PPM1F: variants seen among roughly 807,000 people sequenced by gnomAD.
The protein encoded by PPM1F is protein phosphatase, Mg2+/Mn2+ dependent 1F, also known as protein phosphatase 1F.
In PPM1F, 17 loss-of-function variants were observed where a neutral mutation model predicts 35.5. That is an observed-to-expected ratio of 0.48 (90% CI 0.33 to 0.72). The LOEUF (loss-of-function observed/expected upper bound fraction) is 0.72, where lower values mean the gene tolerates loss of function less well. PPM1F is among the 30% of genes least tolerant of loss of function. The pLI is 0.02. For synonymous variants in PPM1F, 241 were observed against 255.5 expected, an observed-to-expected ratio of 0.94 and a Z score of 0.54; for missense variants, 521 against 613.0, an observed-to-expected ratio of 0.85 and a Z score of 1.59.
chr22:21,946,208 G>A (rs1230627110), intron 1 of PPM1F, 100 bp from the exon 2 acceptor site: 2 of 548,130 alleles, frequency 3.6e-6, no homozygotes, highest in Non-Finnish European at 6.2e-6. Flanking sequence ...TGGCCTCATG[G>A]TTCAGGGCCA....
At chr22:21,948,273 C>G (rs1489196535) in intron 1 of PPM1F, 3 of 147,354 alleles carry the variant, frequency 2.0e-5, no homozygotes, top group African/African-American at 7.5e-5. Context: ...GCCAGGAGTT[C>G]AAGACCAGCC....
At chr22:21,933,845 C>T (rs1225641706) in intron 4 of PPM1F, among the ~76,000 whole-genome samples, 179 bp downstream of exon 4, 2 of 152,200 alleles carry the variant, frequency 1.3e-5, no homozygotes, top group South Asian at 2.1e-4. Context: ...GCATCCAGGC[C>T]TCCCTCATAA....
rs138794261 is a variant in PPM1F, at chr22:21,924,714, C to T, written c.985+855G>A. Reference sequence around the variant, plus strand: ...CCTCCCAAGTAACTGAGATTACAGGCGCGTGCCACCACACCTGGCTAACTT... The same window carrying T: ...CCTCCCAAGTAACTGAGATTACAGGTGCGTGCCACCACACCTGGCTAACTT... On this transcript the variant is annotated intron_variant, in intron 7 of 7. Transcript: ENST00000263212. 3.2e-3 allele frequency among the ~76,000 whole-genome samples: 484 copies of T among 150,294 alleles called. 2 individuals are homozygous for T. Among genetic ancestry groups the T allele is most frequent in the Non-Finnish European group, 2.9e-3 (194 of 67,758 alleles).
At chr22:21,938,625 AC>A in intron 3 of PPM1F, 1 of 1,020,834 alleles carries the variant, frequency 9.8e-7, no homozygotes, top group Non-Finnish European at 1.2e-6. Flanking sequence ...GAAATGGCCG[AC>A]AGGAAATGGC....
chr22:21,924,714 C>A (rs138794261), intron 7 of PPM1F, among the ~76,000 whole-genome samples: 3 of 150,172 alleles, frequency 2.0e-5, no homozygotes, highest in Non-Finnish European at 3.0e-5. Flanking sequence ...AGATTACAGG[C>A]GCGTGCCACC....
intron 6 of PPM1F, among the ~76,000 whole-genome samples, chr22:21,930,828 A>G (rs923754973): frequency 9.9e-5 from 15 of 151,984 alleles, no homozygotes; most frequent in African/African-American, 3.6e-4. Flanking sequence ...TTCCTCACCC[A>G]CAGCCTGTGG....
chr22:21,932,081 G>A (rs2145796405), intron 5 of PPM1F, among the ~76,000 whole-genome samples: 1 of 152,154 alleles, frequency 6.6e-6, no homozygotes, highest in Middle Eastern at 3.4e-3. Flanking sequence ...GCCTCCCAAA[G>A]TGCTGGGATT....
chr22:21,923,173 CCCTTCTCCCTGGTTCCCGCCCT>C lies in PPM1F; in HGVS notation c.1262_1283del (p.Glu421GlyfsTer99), dbSNP rs1231440363. ...GCCTCCTCCCTTCTGCCTGGGGGTCCCCTTCTCCCTGGTTCCCGCCCTCCAGCAGCTCTTGGGGGTCCCTGAG... is the reference window on the plus strand; with the variant it reads ...GCCTCCTCCCTTCTGCCTGGGGGTCCCCAGCAGCTCTTGGGGGTCCCTGAG... On this transcript the variant is annotated frameshift_variant, in exon 8 of 8. Coordinates refer to ENST00000263212, the MANE Select transcript of PPM1F (RefSeq NM_014634.4). LOFTEE classifies it low-confidence loss of function (END_TRUNC). 1.9e-6 allele frequency: 3 copies of C among 1,613,688 alleles called. No homozygotes were observed. Among genetic ancestry groups the C allele is most frequent in the Non-Finnish European group, 2.5e-6 (3 of 1,179,964 alleles).
chr22:21,923,838 C>A (rs2070478107), intron 7 of PPM1F, among the ~76,000 whole-genome samples: 1 of 151,258 alleles, frequency 6.6e-6, no homozygotes. Flanking sequence ...CCACCATGCC[C>A]AGCTAATTGT....
At chr22:21,933,689 C>T (rs913150937) in intron 4 of PPM1F, 110 bp from the exon 5 acceptor site, 36 of 1,042,374 alleles carry the variant, frequency 3.5e-5, no homozygotes, top group Middle Eastern at 4.7e-4. Context: ...GTATGGCCTT[C>T]GCCCGGCTTA....
At chr22:21,938,308 A>G (rs2070685466) in intron 3 of PPM1F, 2 of 1,228,340 alleles carry the variant, frequency 1.6e-6, no homozygotes, top group East Asian at 1.2e-4. Context: ...GCGGAGGAGC[A>G]GCAGCTGCCA....
chr22:21,945,687 T>C (rs1982575112), intron 2 of PPM1F, 156 bp downstream of exon 2: 1 of 702,714 alleles, frequency 1.4e-6, no homozygotes, highest in Non-Finnish European at 2.3e-6. Context: ...TGCTTTGCCA[T>C]AGCAGCCACG....
rs745539552 is a variant in PPM1F, at chr22:21,939,557, G to A, written c.330C>T (p.Asp110=). The change falls in exon 3 of 8, where the codon GAC becomes GAT. Residue 110 remains aspartate, a synonymous_variant. Coordinates refer to ENST00000263212, the MANE Select transcript of PPM1F (RefSeq NM_014634.4). This position sits in a 1 kb window ranked among gnomAD's most constrained non-coding sequence, Gnocchi z 5.1. The stretch of plus-strand genomic sequence containing the variant: ...AGGTCACAGGGGCCTTTTCCTCCTC[G>A]TCATCGTCCTCCTCCTCTTCTTCTT... The part of the protein sequence containing the change: ...REEEEEEEDD[D]EEEKAPVTLL... 4.0e-5 allele frequency: 63 copies of A among 1,585,194 alleles called. No homozygotes were observed. The highest frequency in any genetic ancestry group is 4.0e-5 in the African/African-American group (3 of 74,490).
At chr22:21,948,811 G>T (rs1443417545) in intron 1 of PPM1F, 1 of 152,338 alleles carries the variant, frequency 6.6e-6, no homozygotes, top group African/African-American at 2.4e-5. Flanking sequence ...GGCCCCCCTG[G>T]AGAAACCCCT....
At chr22:21,942,970 C>T (rs1388032455) in intron 2 of PPM1F, 1 of 152,284 alleles carries the variant, frequency 6.6e-6, no homozygotes, top group Non-Finnish European at 1.5e-5. Context: ...AGTCTAGTGG[C>T]AGAGACAAAA....
intron 2 of PPM1F, among the ~76,000 whole-genome samples, chr22:21,940,887 A>G (rs375988959): frequency 2.6e-5 from 4 of 152,216 alleles, no homozygotes; most frequent in African/African-American, 4.8e-5. Context: ...AAGCACTGCC[A>G]TTGGTCTGTG....
chr22:21,949,525 A>T (rs753366483), intron 1 of PPM1F: 1 of 152,338 alleles, frequency 6.6e-6, no homozygotes, highest in Non-Finnish European at 1.5e-5. Context: ...TCTTTGAGGG[A>T]TCAACTGGAA....
rs2070704932 is a variant in PPM1F, at chr22:21,939,731, C to A, written c.207-51G>T. 1 of 1,544,242 alleles carries A rather than the reference C, an allele frequency of 6.5e-7. No individual in the cohort carries two copies. Among genetic ancestry groups the A allele is most frequent in the Non-Finnish European group, 8.8e-7 (1 of 1,142,400 alleles). ...GGGCAGCCCCCAGCAGGAGACCACA[C>A]CTAGCCCCCCTTCCCCAACTGTCAG... is the stretch of plus-strand genomic sequence containing the variant. On this transcript the variant is annotated intron_variant, in intron 2 of 7. Transcript: ENST00000263212. The surrounding 1 kb of genome is among the most constrained non-coding windows in gnomAD (Gnocchi z 5.1).
At chr22:21,928,113 C>G (rs546831689) in intron 6 of PPM1F, among the ~76,000 whole-genome samples, 1 of 152,070 alleles carries the variant, frequency 6.6e-6, no homozygotes, top group African/African-American at 2.4e-5. Flanking sequence ...CAGCTCTTCC[C>G]TCTGCTCCTC....
Sources: gnomAD v4.1 joint callset for allele counts (sites outside exome capture counted in the v4.1 genomes callset) on GRCh38, gnomAD v4.1.1 for gene constraint, Gnocchi (gnomAD v3.1) non-coding constraint, MANE v1.5 for transcripts, NCBI Gene and HGNC (gene_info 2026-07-23, HGNC 2026-07-21) for gene names.